The following CHKA variants were observed in gnomAD, a reference collection of about 807,000 sequenced individuals.
The protein encoded by CHKA is choline kinase alpha.
A neutral mutation model predicts 60.1 loss-of-function variants in CHKA; 34 were observed. The observed-to-expected ratio is 0.57, with a 90% CI of 0.43 to 0.75. The LOEUF (loss-of-function observed/expected upper bound fraction) is 0.75, where lower values mean the gene tolerates loss of function less well. Ranked by LOEUF, CHKA falls within the 30% of genes least tolerant of loss-of-function variation. The pLI is 0.00. For missense variants in CHKA, 563 were observed against 561.3 expected (o/e 1.00, Z -0.03); for synonymous variants, 217 against 223.1 (o/e 0.97, Z 0.24).
Position 68,053,879 on chromosome 11 carries a change from C to A in CHKA, c.*109G>T. The A allele has an allele frequency of 2.5e-6, 2 of 815,538 alleles. No homozygotes were observed. The highest frequency in any genetic ancestry group is 4.1e-6 in the Non-Finnish European group (2 of 486,208). The allele number at this position is 815,538 out of a possible 1,614,324, so 50.5% of individuals were successfully genotyped here. On this transcript the variant is annotated 3_prime_UTR_variant, in exon 12 of 12. Transcript: ENST00000265689. Reference sequence around the variant, plus strand: ...TCATACACATGTGTTCAGTAGTGAGCCACCCAAAGCCTCCTGCCACAGGAG... The same window carrying A: ...TCATACACATGTGTTCAGTAGTGAGACACCCAAAGCCTCCTGCCACAGGAG...
Position 68,119,101 on chromosome 11 carries a change from A to T in CHKA, c.350+1727T>A, listed in dbSNP as rs757011079. Among the ~76,000 whole-genome samples, 74 of 152,350 alleles carry T rather than the reference A, an allele frequency of 4.9e-4. No homozygotes were observed. In the Middle Eastern group the frequency reaches 0.014, roughly 28 times the overall value. On this transcript the variant is annotated intron_variant, in intron 1 of 11. Transcript: ENST00000265689. ...ATCGCCCTTCTAGTTGAGAATTTTCAGGCCTAACTAAAAGTAGATTAAAGT... is the reference window on the plus strand; with the variant it reads ...ATCGCCCTTCTAGTTGAGAATTTTCTGGCCTAACTAAAAGTAGATTAAAGT...
chr11:68,056,744 G>C (rs1191622058), intron 11 of CHKA, among the ~76,000 whole-genome samples: 1 of 152,066 alleles, frequency 6.6e-6, no homozygotes, highest in Non-Finnish European at 1.5e-5. Flanking sequence ...CATGGTGGCG[G>C]AATGTCTGTA....
chr11:68,053,827 C>T lies in CHKA; in HGVS notation c.*161G>A, dbSNP rs1388697012. ...CGTAAACAAGAGATGAAATAAACGTCGCTCCATTTTAATACCGTCTTTAGT... is the reference window on the plus strand; with the variant it reads ...CGTAAACAAGAGATGAAATAAACGTTGCTCCATTTTAATACCGTCTTTAGT... On this transcript the variant is annotated 3_prime_UTR_variant, in exon 12 of 12. Coordinates refer to ENST00000265689, the MANE Select transcript of CHKA (RefSeq NM_001277.3). The T allele has an allele frequency of 9.4e-6, 5 of 531,690 alleles. No homozygotes were observed. The highest frequency in any genetic ancestry group is 6.2e-5 in the East Asian group (2 of 32,052). 32.9% of individuals were successfully genotyped at this position (531,690 alleles called of 1,614,324 possible).
chr11:68,075,029 G>A (rs1048484562), intron 3 of CHKA, among the ~76,000 whole-genome samples, 199 bp from the exon 4 acceptor site: 2 of 152,192 alleles, frequency 1.3e-5, no homozygotes, highest in South Asian at 4.1e-4. Flanking sequence ...CAGGATTCAT[G>A]CTTGCAAGCA....
At chr11:68,086,914 A>C (rs1857198069) in intron 2 of CHKA, among the ~76,000 whole-genome samples, 1 of 152,152 alleles carries the variant, frequency 6.6e-6, no homozygotes, top group African/African-American at 2.4e-5. Context: ...TGAACCCGGG[A>C]GGCGGAGCTT....
At chr11:68,084,618 A>G (rs2134609824) in intron 2 of CHKA, among the ~76,000 whole-genome samples, 1 of 151,782 alleles carries the variant, frequency 6.6e-6, no homozygotes, top group South Asian at 2.1e-4. Context: ...AGCTTTTTAC[A>G]TTTATTAGAA....
chr11:68,079,975 C>T (rs1856925162), intron 3 of CHKA, among the ~76,000 whole-genome samples: 1 of 152,154 alleles, frequency 6.6e-6, no homozygotes. Flanking sequence ...GTCATGGCTG[C>T]CCTCAGGAGA....
At chr11:68,118,158 G>C (rs139726923) in intron 1 of CHKA, among the ~76,000 whole-genome samples, 10 of 152,190 alleles carry the variant, frequency 6.6e-5, no homozygotes, top group African/African-American at 1.2e-4. Flanking sequence ...GAAACGGATC[G>C]GGGCCAGGTA....
At chr11:68,103,720 T>C (rs948236324) in intron 1 of CHKA, among the ~76,000 whole-genome samples, 3 of 151,890 alleles carry the variant, frequency 2.0e-5, no homozygotes, top group African/African-American at 7.3e-5. Context: ...GAGATCAGCC[T>C]GGCCAACATG....
chr11:68,117,561 T>TC (rs991475678), intron 1 of CHKA, among the ~76,000 whole-genome samples: 3 of 151,958 alleles, frequency 2.0e-5, no homozygotes, highest in Middle Eastern at 3.4e-3. Flanking sequence ...TGGTGGTGCA[T>TC]CTGTAGTCCC....
intron 1 of CHKA, among the ~76,000 whole-genome samples, chr11:68,103,613 T>TA (rs915185646): frequency 1.4e-4 from 20 of 146,764 alleles, no homozygotes; most frequent in East Asian, 2.0e-4. Context: ...AAAGCAAGTT[T>TA]AAAAAAAAAA....
chr11:68,094,937 A>T (rs559299628), intron 2 of CHKA, among the ~76,000 whole-genome samples: 19 of 152,242 alleles, frequency 1.2e-4, no homozygotes, highest in Non-Finnish European at 2.8e-4. Context: ...ATGAATTAAC[A>T]TCTAGACTGC....
intron 1 of CHKA, among the ~76,000 whole-genome samples, 195 bp downstream of exon 1, chr11:68,120,633 C>T (rs1858591078): frequency 6.6e-6 from 1 of 152,000 alleles, no homozygotes; most frequent in African/African-American, 2.4e-5. Context: ...GCCGCGAACC[C>T]GCTTCCCTTG....
intron 2 of CHKA, among the ~76,000 whole-genome samples, chr11:68,094,460 G>T (rs981957152): frequency 6.6e-6 from 1 of 152,172 alleles, no homozygotes; most frequent in African/African-American, 2.4e-5. Flanking sequence ...AGGATCACCT[G>T]AGCCCAGGAG....
intron 3 of CHKA, among the ~76,000 whole-genome samples, chr11:68,081,118 G>T (rs867277752): frequency 6.6e-5 from 10 of 152,198 alleles, no homozygotes; most frequent in Non-Finnish European, 1.5e-4. Context: ...TACCACACAC[G>T]AATGCTCCCC....
At chr11:68,084,504 TGAA>T (rs902872675) in intron 2 of CHKA, among the ~76,000 whole-genome samples, 1 of 149,562 alleles carries the variant, frequency 6.7e-6, no homozygotes, top group African/African-American at 2.4e-5. Context: ...TAAATTCATT[TGAA>T]GTAGATATTA....
chr11:68,089,227 C>G (rs577564124), intron 2 of CHKA, among the ~76,000 whole-genome samples: 372 of 152,262 alleles, frequency 2.4e-3, no homozygotes, highest in Admixed American at 5.1e-3. Context: ...CTAGGGCAAC[C>G]TGCTGACCCA....
At chr11:68,060,896 T>C (rs1284926355) in intron 11 of CHKA, among the ~76,000 whole-genome samples, 2 of 152,170 alleles carry the variant, frequency 1.3e-5, no homozygotes, top group East Asian at 3.9e-4. Flanking sequence ...TGCCTAGAAG[T>C]AGAAATCATT....
chr11:68,109,078 T>A (rs943730691), intron 1 of CHKA, among the ~76,000 whole-genome samples: 1 of 151,414 alleles, frequency 6.6e-6, no homozygotes, highest in Non-Finnish European at 1.5e-5. Context: ...CTTTCCTTTT[T>A]TCTTTTCCTT....
Sources: allele counts gnomAD v4.1 joint callset (sites outside exome capture counted in the v4.1 genomes callset), GRCh38; gene constraint gnomAD v4.1.1; transcripts MANE v1.5; gene names NCBI Gene and HGNC (gene_info 2026-07-23, HGNC 2026-07-21).